The following VWA8 variants were observed in gnomAD, a reference collection of about 807,000 sequenced individuals.
VWA8 encodes von Willebrand factor A domain containing 8.
Under a neutral mutation model 241.5 loss-of-function variants are expected in VWA8, and 221 were observed. The ratio of observed to expected loss-of-function variants is 0.91; its 90% CI spans 0.82 to 1.02. The LOEUF is 1.02. Among genes scored for constraint, VWA8 ranks in the 50% least tolerant of loss-of-function variants. The pLI, the probability that VWA8 is intolerant of heterozygous loss-of-function variation, is 0.00. For missense variants in VWA8, 2,322 were observed against 2,328.7 expected (o/e 1.00, Z 0.06); for synonymous variants, 852 against 827.1 (o/e 1.03, Z -0.52).
At chr13:41,751,957 T>C (rs1403889410) in intron 21 of VWA8, among the ~76,000 whole-genome samples, 1 of 152,164 alleles carries the variant, frequency 6.6e-6, no homozygotes, top group Non-Finnish European at 1.5e-5. Flanking sequence ...AAACAAATAC[T>C]TACTGGACAT....
At chr13:41,958,915 G>A (rs370336728) in intron 1 of VWA8, among the ~76,000 whole-genome samples, 1 of 152,052 alleles carries the variant, frequency 6.6e-6, no homozygotes, top group Non-Finnish European at 1.5e-5. Flanking sequence ...CTACCAATAC[G>A]TATATAATAC....
intron 20 of VWA8, among the ~76,000 whole-genome samples, chr13:41,762,014 T>G (rs1401887792): frequency 6.6e-6 from 1 of 152,098 alleles, no homozygotes; most frequent in African/African-American, 2.4e-5. Flanking sequence ...TTACTGATTC[T>G]TATATGGGTT....
chr13:41,751,143 A>G (rs2045653330), intron 21 of VWA8, among the ~76,000 whole-genome samples: 1 of 152,190 alleles, frequency 6.6e-6, no homozygotes, highest in South Asian at 2.1e-4. Context: ...TTAAATAAAA[A>G]AAAAATACAA....
chr13:41,689,122 T>C (rs1422816108), intron 34 of VWA8, among the ~76,000 whole-genome samples: 1 of 152,150 alleles, frequency 6.6e-6, no homozygotes, highest in Non-Finnish European at 1.5e-5. Context: ...GAATACTCAT[T>C]TCCCCCTACT....
intron 12 of VWA8, among the ~76,000 whole-genome samples, chr13:41,844,028 A>G (rs1312112605): frequency 3.3e-5 from 5 of 152,194 alleles, no homozygotes; most frequent in Admixed American, 2.6e-4. Context: ...TGGCAAAGAC[A>G]TAACAAAGAA....
At chr13:41,928,343 G>A (rs1463145025) in intron 2 of VWA8, among the ~76,000 whole-genome samples, 2 of 151,952 alleles carry the variant, frequency 1.3e-5, no homozygotes, top group Non-Finnish European at 2.9e-5. Context: ...AATTGTCCAT[G>A]TTAGGCCAGA....
rs765994877 is a variant in VWA8, at chr13:41,868,404, T to C, written c.1154A>G (p.Asn385Ser). 2 of 1,614,142 alleles carry C rather than the reference T, an allele frequency of 1.2e-6. No individual in the cohort carries two copies. The highest frequency in any genetic ancestry group is 2.2e-5 in the South Asian group (2 of 91,070). Residue 385 changes from asparagine (N) to serine (S), a missense_variant, in exon 10 of 45, where the codon AAC (asparagine) becomes AGC (serine). Physicochemically the swap from Asn to Ser is conservative, Grantham distance 46. Coordinates refer to ENST00000379310, the MANE Select transcript of VWA8 (RefSeq NM_015058.2). The stretch of plus-strand genomic sequence containing the variant: ...GGTCACAGAAGCTTGGGACACATGG[T>C]TTTCCATCATCTTCTCTACTTTTAC... ...EIVKVEKMME[N>S]HVSQASVTIR...
At chr13:41,600,028 G>C (rs929469130) in intron 40 of VWA8, among the ~76,000 whole-genome samples, 17 of 152,044 alleles carry the variant, frequency 1.1e-4, no homozygotes, top group Admixed American at 6.6e-4. Flanking sequence ...TTCTTTTCCT[G>C]CCTTTCTAAT....
At chr13:41,684,986 A>C in intron 35 of VWA8, 61 bp downstream of exon 35, 1 of 1,383,720 alleles carries the variant, frequency 7.2e-7, no homozygotes, top group East Asian at 2.3e-5. Context: ...AATATCCTCT[A>C]CCAAAAGGAA....
In VWA8 at chr13:41,685,093, C is replaced by A. The variant is rs1366482253; in HGVS notation, c.4281G>T (p.Arg1427Ser). ...VTLLDTNQVV[R>S]ILPPGEVPLK... ...GAGGGACTTCTCCTGGGGGTAAAAT[C>A]CTCACTACCTGATTCGTATCTAAAA... The change falls in exon 35 of 45, where the codon AGG becomes AGT. Residue 1427 changes from arginine (R) to serine (S), a missense_variant. Transcript: ENST00000379310. The A allele has an allele frequency of 6.2e-7, 1 of 1,613,526 alleles. No homozygotes were observed. Among genetic ancestry groups the A allele is most frequent in the Middle Eastern group, 1.7e-4 (1 of 6,046 alleles).
At chr13:41,910,849 T>C (rs1449772651) in intron 3 of VWA8, among the ~76,000 whole-genome samples, 7 of 152,132 alleles carry the variant, frequency 4.6e-5, no homozygotes, top group Admixed American at 3.9e-4. Context: ...GATTCGCCAC[T>C]GAAATAAAAG....
chr13:41,607,075 A>G (rs929586230), intron 39 of VWA8, among the ~76,000 whole-genome samples: 8 of 152,180 alleles, frequency 5.3e-5, no homozygotes. Flanking sequence ...GGATAACTGA[A>G]CCAAAAATTT....
intron 12 of VWA8, among the ~76,000 whole-genome samples, chr13:41,833,757 T>C (rs1006490524): frequency 6.6e-6 from 1 of 151,948 alleles, no homozygotes; most frequent in Non-Finnish European, 1.5e-5. Flanking sequence ...ATAGTAAGAG[T>C]GAGAGGTTTT....
chr13:41,807,007 CG>C (rs747243814), intron 17 of VWA8, among the ~76,000 whole-genome samples: 10 of 151,872 alleles, frequency 6.6e-5, no homozygotes, highest in Non-Finnish European at 7.4e-5. Flanking sequence ...AAAAAGGAGA[CG>C]TTAGAACTGT....
chr13:41,791,423 TA>T (rs1869457888), intron 17 of VWA8, among the ~76,000 whole-genome samples: 1 of 151,930 alleles, frequency 6.6e-6, no homozygotes, highest in African/African-American at 2.4e-5. Context: ...TCAGTTTTTT[TA>T]ATTATGAAAT....
At chr13:41,689,002 T>G (rs1232474186) in intron 34 of VWA8, among the ~76,000 whole-genome samples, 1 of 151,950 alleles carries the variant, frequency 6.6e-6, no homozygotes, top group Non-Finnish European at 1.5e-5. Context: ...ATATATAGAA[T>G]GTGTAGATGG....
intron 3 of VWA8, among the ~76,000 whole-genome samples, chr13:41,909,054 AT>A (rs199938365): frequency 0.32 from 45,748 of 143,118 alleles, 6,794 homozygotes; most frequent in East Asian, 0.44. Context: ...GAGGAAAAAA[AT>A]TTTTTTTTTT....
chr13:41,690,798 T>C (rs756787993), intron 32 of VWA8, among the ~76,000 whole-genome samples: 1 of 152,118 alleles, frequency 6.6e-6, no homozygotes, highest in African/African-American at 2.4e-5. Context: ...GAGTTGTGCA[T>C]GAGGGAAGGT....
chr13:41,620,405 C>G (rs1225623395), intron 37 of VWA8, among the ~76,000 whole-genome samples: 1 of 151,904 alleles, frequency 6.6e-6, no homozygotes, highest in South Asian at 2.1e-4. Context: ...TTCTGTTGAT[C>G]TTTTCAAAAA....
Sources: allele counts gnomAD v4.1 joint callset (sites outside exome capture counted in the v4.1 genomes callset), GRCh38; gene constraint gnomAD v4.1.1; transcripts MANE v1.5; gene names NCBI Gene and HGNC (gene_info 2026-07-23, HGNC 2026-07-21).